Variants in NREP observed in about 807,000 individuals in gnomAD.
The protein encoded by NREP is neuronal regeneration-related protein.
A neutral mutation model predicts 8.6 loss-of-function variants in NREP; 5 were observed. The observed-to-expected ratio is 0.58, with a 90% CI of 0.30 to 1.22. The LOEUF is 1.22. NREP is among the 50% of genes most tolerant of loss of function. The pLI, the probability that NREP is intolerant of heterozygous loss-of-function variation, is 0.07. For missense variants in NREP, 86 were observed against 82.5 expected (o/e 1.04, Z -0.17); for synonymous variants, 27 against 28.0 (o/e 0.96, Z 0.11).
Position 111,919,915 on chromosome 5 carries a change from G to A in NREP, c.135+55359C>T, listed in dbSNP as rs149443895. Among the ~76,000 whole-genome samples the A allele has an allele frequency of 7.4e-3, 1,083 of 146,292 alleles. 4 individuals are homozygous for A. The highest frequency in any genetic ancestry group is 0.016 in the South Asian group (72 of 4,442). On this transcript the variant is annotated intron_variant, in intron 2 of 3. Coordinates refer to the NREP transcript ENST00000395634. ...AGAAAGAAAGAAAGAAAGAAAGAAA[G>A]AAAGATCTGAACTGTCCATTATGTA...
chr5:111,883,971 A>G (rs1285822910), intron 2 of NREP, among the ~76,000 whole-genome samples: 2 of 152,136 alleles, frequency 1.3e-5, no homozygotes, highest in South Asian at 2.1e-4. Context: ...AATAACTAAT[A>G]TCAGAGCAGA....
chr5:111,893,825 G>A (rs987259762), intron 2 of NREP, among the ~76,000 whole-genome samples: 2 of 151,806 alleles, frequency 1.3e-5, no homozygotes, highest in Non-Finnish European at 2.9e-5. Context: ...TGTATGATGT[G>A]TATAGGAATG....
intron 2 of NREP, among the ~76,000 whole-genome samples, chr5:111,837,612 C>G (rs1752926322): frequency 6.6e-6 from 1 of 151,934 alleles, no homozygotes; most frequent in Non-Finnish European, 1.5e-5. Context: ...ACCAAATAGC[C>G]TGAGTTAAAC....
In NREP at chr5:111,831,273, G is replaced by A. The variant is rs1441643670; in HGVS notation, c.136-95766C>T. ...TTCTACTGGGCTTACCCTTCTCTTG[G>A]TGGCTATCAGTGGTTTCTCTCCTCC... On this transcript the variant is annotated intron_variant, in intron 2 of 3. Coordinates refer to the NREP transcript ENST00000395634. Among the ~76,000 whole-genome samples the A allele has an allele frequency of 5.3e-5, 8 of 152,184 alleles. No homozygotes were observed. The East Asian group carries it at 1.5e-3, about 29-fold the overall frequency.
chr5:111,881,807 C>T (rs560429852), intron 2 of NREP, among the ~76,000 whole-genome samples: 2 of 152,174 alleles, frequency 1.3e-5, no homozygotes, highest in South Asian at 4.1e-4. Flanking sequence ...ACAGAAAGGA[C>T]ATCCACACCA....
chr5:111,893,840 C>G (rs899151239), intron 2 of NREP, among the ~76,000 whole-genome samples: 1 of 151,674 alleles, frequency 6.6e-6, no homozygotes, highest in East Asian at 1.9e-4. Context: ...GGAATGGGAA[C>G]AGAATTTTTA....
intron 2 of NREP, among the ~76,000 whole-genome samples, chr5:111,956,599 A>G (rs1371244068): frequency 6.6e-6 from 1 of 152,160 alleles, no homozygotes; most frequent in Non-Finnish European, 1.5e-5. Flanking sequence ...AGAAAGAGTA[A>G]AAACAATATT....
At chr5:111,971,921 A>G (rs1756831863) in intron 2 of NREP, among the ~76,000 whole-genome samples, 1 of 152,208 alleles carries the variant, frequency 6.6e-6, no homozygotes, top group African/African-American at 2.4e-5. Flanking sequence ...AAACATCTGC[A>G]CAAAAAAGGA....
intron 2 of NREP, among the ~76,000 whole-genome samples, chr5:111,865,371 A>G (rs2112487456): frequency 6.6e-6 from 1 of 152,284 alleles, no homozygotes; most frequent in East Asian, 1.9e-4. Context: ...CCTTGTTGTA[A>G]TCTCCACTCG....
chr5:111,890,643 C>A (rs900847691), intron 2 of NREP, among the ~76,000 whole-genome samples: 21 of 152,234 alleles, frequency 1.4e-4, no homozygotes, highest in Admixed American at 1.3e-3. Context: ...TGTGCCCTCA[C>A]AGACTTAACA....
intron 2 of NREP, among the ~76,000 whole-genome samples, chr5:111,904,168 T>C (rs560416721): frequency 6.6e-6 from 1 of 152,258 alleles, no homozygotes; most frequent in South Asian, 2.1e-4. Flanking sequence ...TATCTTGCAT[T>C]CATGTGGTAT....
At chr5:111,769,096 G>T (rs1439894384) in intron 2 of NREP, among the ~76,000 whole-genome samples, 1 of 152,006 alleles carries the variant, frequency 6.6e-6, no homozygotes, top group Non-Finnish European at 1.5e-5. Context: ...GTTTTGATTT[G>T]CATTTCTTTG....
chr5:111,825,574 T>C (rs868505528), intron 2 of NREP, among the ~76,000 whole-genome samples: 7 of 152,016 alleles, frequency 4.6e-5, no homozygotes, highest in African/African-American at 1.7e-4. Flanking sequence ...ACAGAAAGGA[T>C]TTTTGGTAGC....
chr5:111,971,903 C>G (rs185828535), intron 2 of NREP, among the ~76,000 whole-genome samples: 18 of 150,648 alleles, frequency 1.2e-4, no homozygotes, highest in Admixed American at 9.2e-4. Flanking sequence ...AGGAGTATAT[C>G]AAAATAAAAA....
At chr5:111,732,099 G>A (rs991375179) in intron 3 of NREP, 1 of 146,510 alleles carries the variant, frequency 6.8e-6, no homozygotes, top group African/African-American at 2.6e-5. Context: ...TTTTTTTTTT[G>A]TTGCTCAAGT....
chr5:111,936,082 CCT>C (rs1755673738), intron 2 of NREP, among the ~76,000 whole-genome samples: 1 of 152,032 alleles, frequency 6.6e-6, no homozygotes, highest in African/African-American at 2.4e-5. Context: ...GGTGTTCTCC[CCT>C]GTGTCTTTGT....
At chr5:111,895,584 G>C (rs181665992) in intron 2 of NREP, among the ~76,000 whole-genome samples, 127 of 152,164 alleles carry the variant, frequency 8.3e-4, no homozygotes, top group African/African-American at 2.8e-3. Flanking sequence ...GGCAGGCAGG[G>C]ATAAGAGAGT....
At chr5:111,882,667 G>T (rs1044369332) in intron 2 of NREP, among the ~76,000 whole-genome samples, 12 of 152,160 alleles carry the variant, frequency 7.9e-5, no homozygotes, top group Non-Finnish European at 1.3e-4. Flanking sequence ...AAGAGTGGGG[G>T]CCAATATTCA....
chr5:111,918,802 C>G (rs576973515), intron 2 of NREP, among the ~76,000 whole-genome samples: 1 of 152,256 alleles, frequency 6.6e-6, no homozygotes, highest in South Asian at 2.1e-4. Context: ...TAGGCATGGG[C>G]AAAGACTTCG....
Sources: gnomAD v4.1 joint callset for allele counts (sites outside exome capture counted in the v4.1 genomes callset) on GRCh38, gnomAD v4.1.1 for gene constraint, MANE v1.5 for transcripts, NCBI Gene and HGNC (gene_info 2026-07-23, HGNC 2026-07-21) for gene names.